TMEM132C: variants seen among roughly 807,000 people sequenced by gnomAD.
The protein encoded by TMEM132C is transmembrane protein 132C, also known as protein phosphatase 1, regulatory subunit 152.
Under a neutral mutation model 61.4 loss-of-function variants are expected in TMEM132C, and 29 were observed. The ratio of observed to expected loss-of-function variants is 0.47; its 90% CI spans 0.35 to 0.64. The LOEUF is 0.64. Among genes scored for constraint, TMEM132C ranks in the 30% least tolerant of loss-of-function variants. The pLI, the probability that TMEM132C is intolerant of heterozygous loss-of-function variation, is 0.00. For missense variants in TMEM132C, 1,408 were observed against 1,476.9 expected (o/e 0.95, Z 0.76); for synonymous variants, 656 against 633.1 (o/e 1.04, Z -0.54).
chr12:128,308,172 A>G (rs190000869), intron 1 of TMEM132C, among the ~76,000 whole-genome samples: 2 of 152,174 alleles, frequency 1.3e-5, no homozygotes, highest in Non-Finnish European at 1.5e-5. Context: ...GAAGCAGCCT[A>G]TGGTTCTAGT....
At chr12:128,691,747 C>G (rs1954721428) in intron 5 of TMEM132C, among the ~76,000 whole-genome samples, 1 of 151,848 alleles carries the variant, frequency 6.6e-6, no homozygotes, top group African/African-American at 2.4e-5. Context: ...ACCCATTTGT[C>G]CACCACCCAT....
intron 1 of TMEM132C, among the ~76,000 whole-genome samples, chr12:128,350,294 G>A (rs771816179): frequency 6.6e-6 from 1 of 152,084 alleles, no homozygotes; most frequent in Non-Finnish European, 1.5e-5. Context: ...GTTTGGGTGC[G>A]GGACTAGATG....
intron 1 of TMEM132C, among the ~76,000 whole-genome samples, chr12:128,383,804 C>T (rs949700683): frequency 1.3e-5 from 2 of 152,188 alleles, no homozygotes; most frequent in Admixed American, 6.5e-5. Flanking sequence ...GCTTACTTAA[C>T]GGCTTGCAAA....
chr12:128,574,554 ATGCTGTCAC>A (rs1190481534), intron 3 of TMEM132C, among the ~76,000 whole-genome samples: 2 of 152,200 alleles, frequency 1.3e-5, no homozygotes, highest in Non-Finnish European at 2.9e-5. Flanking sequence ...GCTCCTAGGC[ATGCTGTCAC>A]TCTGTTTCTT....
intron 1 of TMEM132C, among the ~76,000 whole-genome samples, chr12:128,296,425 C>G (rs1871417632): frequency 6.6e-6 from 1 of 152,188 alleles, no homozygotes; most frequent in Non-Finnish European, 1.5e-5. Context: ...ACTGGTTGTT[C>G]TCATGGTCAC....
chr12:128,486,876 A>AAC (rs56407388), intron 2 of TMEM132C, among the ~76,000 whole-genome samples: 4,956 of 131,128 alleles, frequency 0.038, 114 homozygotes, highest in African/African-American at 0.049. Flanking sequence ...TGTGCATGCA[A>AAC]ACACACACAC....
At position 128,679,472 on chromosome 12, in the gene TMEM132C, G is replaced by T. The variant is rs1954616681; in HGVS notation, c.1449+9912G>T. ...TGTTTTGGGTTTGGGTTGGCTCTGTGTGTCTCATTTTGGTGGCAAAAGGCA... is the reference window on the plus strand; with the variant it reads ...TGTTTTGGGTTTGGGTTGGCTCTGTTTGTCTCATTTTGGTGGCAAAAGGCA... On this transcript the variant is annotated intron_variant, in intron 5 of 8. Transcript: ENST00000435159. Among the ~76,000 whole-genome samples, 4 of 152,330 alleles carry T rather than the reference G, an allele frequency of 2.6e-5. No homozygotes were observed. In the South Asian group the frequency reaches 8.3e-4, roughly 32 times the overall value.
At position 128,435,541 on chromosome 12, in the gene TMEM132C, T is replaced by C. The variant is rs112841636; in HGVS notation, c.974+19921T>C. On this transcript the variant is annotated intron_variant, in intron 2 of 8. Transcript: ENST00000435159. Reference sequence around the variant, plus strand: ...AGCCAAATCATGTGTGAACCCCCATTCACAATTGCTACAAAGAGAATAAAA... The same window carrying C: ...AGCCAAATCATGTGTGAACCCCCATCCACAATTGCTACAAAGAGAATAAAA... 2.7e-3 allele frequency among the ~76,000 whole-genome samples: 414 copies of C among 152,262 alleles called. 6 individuals carry two copies. Among genetic ancestry groups the C allele is most frequent in the African/African-American group, 9.4e-3 (390 of 41,548 alleles).
At chr12:128,465,519 C>T (rs1870702555) in intron 2 of TMEM132C, among the ~76,000 whole-genome samples, 1 of 152,204 alleles carries the variant, frequency 6.6e-6, no homozygotes, top group Admixed American at 6.5e-5. Flanking sequence ...TCTTCATTCA[C>T]ATGAGAGATA....
chr12:128,574,998 C>T (rs1243251202), intron 3 of TMEM132C, among the ~76,000 whole-genome samples: 1 of 152,188 alleles, frequency 6.6e-6, no homozygotes, highest in East Asian at 1.9e-4. Flanking sequence ...AAAAACCATG[C>T]AAGTTCCTCT....
intron 2 of TMEM132C, among the ~76,000 whole-genome samples, chr12:128,423,537 A>G (rs1430546803): frequency 6.6e-6 from 1 of 152,226 alleles, no homozygotes; most frequent in Admixed American, 6.5e-5. Flanking sequence ...GATGAGGTTT[A>G]TAGGTGGATT....
chr12:128,325,390 A>G (rs1469412411), intron 1 of TMEM132C, among the ~76,000 whole-genome samples: 1 of 152,200 alleles, frequency 6.6e-6, no homozygotes, highest in African/African-American at 2.4e-5. Flanking sequence ...ATTACCTTCC[A>G]TAGGATCACC....
rs555507925 is a variant in TMEM132C at position 128,378,338 on chromosome 12, G to A, written c.86-36394G>A. Among the ~76,000 whole-genome samples, 11 of 152,128 alleles carry A rather than the reference G, an allele frequency of 7.2e-5. No individual in the cohort carries two copies. In the South Asian group the frequency reaches 1.0e-3, roughly 14 times the overall value. On this transcript the variant is annotated intron_variant, in intron 1 of 8. Coordinates refer to ENST00000435159, the MANE Select transcript of TMEM132C (RefSeq NM_001136103.3). ...TGACCATGTTAGCCAGGATGGTCTC[G>A]ATCTCCTGACTTCATGATCCGCCCG... is the stretch of plus-strand genomic sequence containing the variant.
chr12:128,592,666 C>T lies in TMEM132C; in HGVS notation c.1122-23486C>T, dbSNP rs142648538. Reference sequence around the variant, plus strand: ...AAACTTGCTGAGGCTGAGGGATGGCCTGTCAGAACAGCCACGGAGGGGACA... The same window carrying T: ...AAACTTGCTGAGGCTGAGGGATGGCTTGTCAGAACAGCCACGGAGGGGACA... On this transcript the variant is annotated intron_variant, in intron 3 of 8. Coordinates refer to ENST00000435159, the MANE Select transcript of TMEM132C (RefSeq NM_001136103.3). Among the ~76,000 whole-genome samples, 90 of 152,346 alleles carry T rather than the reference C, an allele frequency of 5.9e-4. No homozygotes were observed. The East Asian group carries it at 8.7e-3, about 15-fold the overall frequency.
Position 128,420,737 on chromosome 12 carries a change from G to T in TMEM132C, c.974+5117G>T, listed in dbSNP as rs185749241. Among the ~76,000 whole-genome samples, 42 of 152,298 alleles carry T rather than the reference G, an allele frequency of 2.8e-4. 1 individual carries two copies. The highest frequency in any genetic ancestry group is 2.7e-3 in the Admixed American group (42 of 15,290). On this transcript the variant is annotated intron_variant, in intron 2 of 8. Transcript: ENST00000435159. ...TGATGAGATTTGTGGGCACACTTGTGTGAAGGAGACACAGCATCAGGATGT... is the reference window on the plus strand; with the variant it reads ...TGATGAGATTTGTGGGCACACTTGTTTGAAGGAGACACAGCATCAGGATGT...
At chr12:128,335,348 C>A (rs368127918) in intron 1 of TMEM132C, among the ~76,000 whole-genome samples, 1 of 152,110 alleles carries the variant, frequency 6.6e-6, no homozygotes, top group East Asian at 1.9e-4. Flanking sequence ...TGTAAATTTG[C>A]GTTTATGCAA....
chr12:128,472,449 A>G (rs1870983664), intron 2 of TMEM132C, among the ~76,000 whole-genome samples: 1 of 152,124 alleles, frequency 6.6e-6, no homozygotes, highest in Admixed American at 6.6e-5. Context: ...AACTCCAGGG[A>G]GCCTTAGTAG....
intron 2 of TMEM132C, among the ~76,000 whole-genome samples, chr12:128,513,826 G>A (rs756700915): frequency 6.6e-6 from 1 of 152,120 alleles, no homozygotes; most frequent in South Asian, 2.1e-4. Flanking sequence ...CGATCAGCAG[G>A]GTATGGTCCA....
chr12:128,507,398 CTT>C (rs1872404501), intron 2 of TMEM132C, among the ~76,000 whole-genome samples: 2 of 106,544 alleles, frequency 1.9e-5, no homozygotes, highest in East Asian at 2.7e-4. Context: ...TTTTTTTTTT[CTT>C]TCTTTTTTTT....
Sources: gnomAD v4.1 joint callset for allele counts (sites outside exome capture counted in the v4.1 genomes callset) on GRCh38, gnomAD v4.1.1 for gene constraint, MANE v1.5 for transcripts, NCBI Gene and HGNC (gene_info 2026-07-23, HGNC 2026-07-21) for gene names.